DMD: variants seen among roughly 807,000 people sequenced by gnomAD.
The protein encoded by DMD is dystrophin.
DMD carries 63 observed loss-of-function variants against 330.1 expected under a neutral mutation model. That is an observed-to-expected ratio of 0.19 (90% confidence interval 0.16 to 0.24). The LOEUF (loss-of-function observed/expected upper bound fraction) is 0.24. Among genes scored for constraint, DMD ranks in the 10% least tolerant of loss-of-function variants. The probability of loss-of-function intolerance (pLI) is 1.00; values close to 1 mark genes in which losing one functional copy is unlikely to be tolerated. For missense variants in DMD, 3,344 were observed against 2,684.1 expected, an observed-to-expected ratio of 1.25 and a Z score of -5.43; for synonymous variants, 1,223 against 959.8, an observed-to-expected ratio of 1.27 and a Z score of -5.07.
intron 62 of DMD, 84 bp downstream of exon 62, chrX:31,323,514 C>T (rs180858608): frequency 1.3e-5 from 11 of 824,549 alleles, no homozygotes; most frequent in Admixed American, 7.5e-5. Context: ...AGGCTAATGT[C>T]GCATTTTAAA....
At chrX:32,336,051 TA>T (rs908844078) in intron 41 of DMD, among the ~76,000 whole-genome samples, 1 of 42,681 alleles carries the variant, frequency 2.3e-5, no homozygotes, top group Non-Finnish European at 5.7e-5. Flanking sequence ...CGTGTATATA[TA>T]ACGTTATATA....
chrX:32,101,446 G>A lies in DMD; in HGVS notation c.6438+115470C>T, dbSNP rs185247251. The stretch of plus-strand genomic sequence containing the variant: ...GAACTATAACACACCCTCAATTAAC[G>A]TTGATACCTGCTCTTATTCTCATCC... On this transcript the variant is annotated intron_variant, in intron 44 of 78. Transcript: ENST00000357033. Among the ~76,000 whole-genome samples the A allele has an allele frequency of 8.3e-4, 93 of 111,760 alleles. 1 individual carries two copies. Among genetic ancestry groups the A allele is most frequent in the Non-Finnish European group, 1.5e-3 (78 of 53,134 alleles).
At chrX:33,043,834 C>G (rs1338782038) in intron 1 of DMD, among the ~76,000 whole-genome samples, 1 of 97,943 alleles carries the variant, frequency 1.0e-5, no homozygotes, top group Non-Finnish European at 2.1e-5. Flanking sequence ...TCCCTCCCCC[C>G]TCCCCCCACC....
At chrX:32,589,364 T>A (rs904051502) in intron 13 of DMD, among the ~76,000 whole-genome samples, 6 of 110,942 alleles carry the variant, frequency 5.4e-5, no homozygotes, top group African/African-American at 2.0e-4. Flanking sequence ...AGAATCTGTA[T>A]CATCCTTAAT....
chrX:31,480,660 T>C (rs184070505), intron 57 of DMD, among the ~76,000 whole-genome samples: 164 of 108,434 alleles, frequency 1.5e-3, no homozygotes, highest in Non-Finnish European at 2.5e-3. Flanking sequence ...AAGTAAATTA[T>C]CATTTTGCCT....
chrX:32,906,452 C>T (rs1203190937), intron 2 of DMD, among the ~76,000 whole-genome samples: 2 of 111,800 alleles, frequency 1.8e-5, no homozygotes, highest in African/African-American at 6.5e-5. Flanking sequence ...TATTTCTTTA[C>T]AGCAATGCCA....
intron 42 of DMD, among the ~76,000 whole-genome samples, chrX:32,303,193 A>G: frequency 9.0e-6 from 1 of 111,653 alleles, no homozygotes; most frequent in Non-Finnish European, 1.9e-5. Flanking sequence ...GAGTTAGGAT[A>G]CAATATAAAA....
At chrX:32,639,024 T>A (rs1043458805) in intron 11 of DMD, among the ~76,000 whole-genome samples, 9 of 111,742 alleles carry the variant, frequency 8.1e-5, no homozygotes, top group African/African-American at 2.9e-4. Flanking sequence ...ATATCTCTCC[T>A]CCTGCTGATA....
intron 62 of DMD, among the ~76,000 whole-genome samples, chrX:31,287,517 T>C (rs966563156): frequency 1.8e-5 from 2 of 112,533 alleles, no homozygotes; most frequent in Non-Finnish European, 3.8e-5. Context: ...TAGAGACTAA[T>C]AATTCTTGTC....
chrX:31,749,515 T>G (rs1277724108), intron 51 of DMD, among the ~76,000 whole-genome samples: 6 of 108,066 alleles, frequency 5.6e-5, no homozygotes, highest in Admixed American at 4.0e-4. Flanking sequence ...GGTGTATATG[T>G]GCCACATTTT....
chrX:31,230,095 T>G (rs2047046881), intron 63 of DMD, among the ~76,000 whole-genome samples: 2 of 112,000 alleles, frequency 1.8e-5, no homozygotes, highest in African/African-American at 6.5e-5. Context: ...CACTAACACA[T>G]CATACTTGGT....
chrX:31,515,081 A>T (rs2072055326), intron 55 of DMD, among the ~76,000 whole-genome samples: 1 of 111,607 alleles, frequency 9.0e-6, no homozygotes, highest in South Asian at 3.8e-4. Flanking sequence ...AAGTAGAATG[A>T]TCCATGGTGT....
chrX:31,936,274 T>TC (rs759305214), intron 45 of DMD, among the ~76,000 whole-genome samples: 15 of 111,535 alleles, frequency 1.3e-4, no homozygotes, highest in Non-Finnish European at 2.6e-4. Context: ...ACAATGGGAA[T>TC]CCTAAGGATT....
At chrX:32,591,961 G>A (rs1019593638) in intron 13 of DMD, among the ~76,000 whole-genome samples, 7 of 112,679 alleles carry the variant, frequency 6.2e-5, no homozygotes, top group African/African-American at 1.9e-4. Flanking sequence ...GTGTGTGCTC[G>A]GGACAGTGCT....
intron 30 of DMD, among the ~76,000 whole-genome samples, chrX:32,391,929 A>G (rs891715215): frequency 3.6e-5 from 4 of 112,173 alleles, no homozygotes; most frequent in Admixed American, 9.5e-5. Context: ...AAGGTGGGCC[A>G]GTAACAACCA....
At chrX:31,476,250 T>C (rs2067729250) in intron 59 of DMD, among the ~76,000 whole-genome samples, 1 of 106,273 alleles carries the variant, frequency 9.4e-6, no homozygotes, top group Admixed American at 1.0e-4. Flanking sequence ...ATTCGCCAAG[T>C]AGACAACGTA....
chrX:33,284,266 T>C (rs1271733892), intron 1 of DMD, among the ~76,000 whole-genome samples: 4 of 111,157 alleles, frequency 3.6e-5, no homozygotes, highest in Non-Finnish European at 5.7e-5. Context: ...TGTCTATTAA[T>C]AAGACATCTA....
chrX:32,120,392 C>G (rs918668555), intron 44 of DMD, among the ~76,000 whole-genome samples: 1 of 111,802 alleles, frequency 8.9e-6, no homozygotes, highest in Non-Finnish European at 1.9e-5. Context: ...TATAGCAAAC[C>G]CTCCAGCTGA....
At chrX:31,152,612 C>G (rs2037580619) in intron 74 of DMD, among the ~76,000 whole-genome samples, 2 of 110,971 alleles carry the variant, frequency 1.8e-5, no homozygotes, top group African/African-American at 6.6e-5. Flanking sequence ...TGGCTCAATG[C>G]AGCCTCATCC....
Sources: gnomAD v4.1 joint callset for allele counts (sites outside exome capture counted in the v4.1 genomes callset) on GRCh38, gnomAD v4.1.1 for gene constraint, MANE v1.5 for transcripts, NCBI Gene and HGNC (gene_info 2026-07-23, HGNC 2026-07-21) for gene names.